ZNF648: variants seen among roughly 807,000 people sequenced by gnomAD.
The protein encoded by ZNF648 is zinc finger protein 648.
A neutral mutation model predicts 0.3 loss-of-function variants in ZNF648; 1 was observed. The observed-to-expected ratio is 3.90, with a 90% confidence interval of 1.39 to 18.51. ZNF648 has a LOEUF of 18.51. Ranked by LOEUF, ZNF648 falls within the 30% of genes most tolerant of loss-of-function variation. The pLI, the probability that ZNF648 is intolerant of heterozygous loss-of-function variation, is 0.11. For missense variants in ZNF648, 874 were observed against 769.7 expected, an observed-to-expected ratio of 1.14 and a Z score of -1.60; for synonymous variants, 376 against 326.8, an observed-to-expected ratio of 1.15 and a Z score of -1.62.
chr1:182,057,052 G>A lies in ZNF648; in HGVS notation c.959C>T (p.Ser320Phe), dbSNP rs762005770. Residue 320 changes from serine (S) to phenylalanine (F), a missense_variant, in exon 2 of 2, where the codon TCC becomes TTC. Coordinates refer to ENST00000339948, the MANE Select transcript of ZNF648 (RefSeq NM_001009992.1). ...GGTGCGGATGTGCTTCCGGTGGTCG[G>A]AGGACCAGGTGTAGGCCTTGTCGCA... ...SFCDKAYTWSSDHRKHIRTHT... is the reference protein window; with the variant it reads ...SFCDKAYTWSFDHRKHIRTHT... 7.4e-6 allele frequency: 12 copies of A among 1,613,284 alleles called. No individual in the cohort carries two copies. The East Asian group carries it at 2.2e-4, about 30-fold the overall frequency.
In ZNF648 at chr1:182,054,636, A is replaced by G. The variant is rs1249473558; in HGVS notation, c.*1668T>C. 1.3e-5 allele frequency: 2 copies of G among 152,248 alleles called. No homozygotes were observed. The highest frequency in any genetic ancestry group is 2.9e-5 in the Non-Finnish European group (2 of 68,034). 9.4% of individuals were successfully genotyped at this position (152,248 alleles called of 1,614,324 possible). A position where few individuals can be genotyped will look rare whatever the true frequency, so the allele number is the denominator to read the frequency against. On this transcript the variant is annotated 3_prime_UTR_variant, in exon 2 of 2. Coordinates refer to ENST00000339948, the MANE Select transcript of ZNF648 (RefSeq NM_001009992.1). ...GTTAGCTTTTGCTCTCTTCATAGTC[A>G]CAAGCTCATCTTGTGACTTTTCTAC...
At position 182,057,348 on chromosome 1, in the gene ZNF648, G is replaced by A; in HGVS notation, c.663C>T (p.Ala221=). The change falls in exon 2 of 2, where the codon GCC becomes GCT. Residue 221 remains alanine, a synonymous_variant. Transcript: ENST00000339948. ...QASATPASLA[A]AVLAKARNSR... is the part of the protein sequence containing the mutation. ...TGTTCCGCGCTTTTGCCAGGACCGC[G>A]GCAGCCAGGCTGGCTGGGGTGGCCG... is the stretch of plus-strand genomic sequence containing the variant. 6.2e-7 allele frequency: 1 copy of A among 1,610,796 alleles called. No homozygotes were observed. The highest frequency in any genetic ancestry group is 8.5e-7 in the Non-Finnish European group (1 of 1,179,780).
Position 182,057,118 on chromosome 1 carries a change from C to CTG in ZNF648, c.891_892dup (p.Arg298ThrfsTer75). 6.2e-7 allele frequency: 1 copy of CTG among 1,608,130 alleles called. No homozygotes were observed. The highest frequency in any genetic ancestry group is 8.5e-7 in the Non-Finnish European group (1 of 1,179,790). Reference sequence around the variant, plus strand: ...GGGCCGCTCGCCCGTGTGCAGGCGCCTGTGCTGCTGGAGTGTGCCGCGGTG... The same window carrying CTG: ...GGGCCGCTCGCCCGTGTGCAGGCGCCTGTGTGCTGCTGGAGTGTGCCGCGGTG... On this transcript the variant is annotated frameshift_variant, in exon 2 of 2. Coordinates refer to ENST00000339948, the MANE Select transcript of ZNF648 (RefSeq NM_001009992.1). LOFTEE classifies it low-confidence loss of function (END_TRUNC).
intron 1 of ZNF648, among the ~76,000 whole-genome samples, chr1:182,058,996 T>A (rs974676693): frequency 6.6e-6 from 1 of 152,158 alleles, no homozygotes; most frequent in Non-Finnish European, 1.5e-5. Context: ...CTAATTTTTG[T>A]ATTTTTAGTA....
At chr1:182,060,709 A>C (rs912013172) in intron 1 of ZNF648, among the ~76,000 whole-genome samples, 2 of 152,172 alleles carry the variant, frequency 1.3e-5, no homozygotes, top group African/African-American at 4.8e-5. Flanking sequence ...CATAGAGGGG[A>C]CATACCACTA....
At chr1:182,069,208 T>C in the ZNF648 span, 1 of 152,146 alleles carries the variant, frequency 6.6e-6, no homozygotes, top group Non-Finnish European at 1.5e-5. Flanking sequence ...GGCTCCGCTG[T>C]CCTCCCAGGT....
chr1:182,068,891 G>A, the ZNF648 span, among the ~76,000 whole-genome samples: 5 of 123,174 alleles, frequency 4.1e-5, no homozygotes, highest in Admixed American at 4.4e-4. Context: ...ACTCCAGGCT[G>A]GGCAACAGAG....
In ZNF648 at chr1:182,057,164, G is replaced by T; in HGVS notation, c.847C>A (p.Leu283Ile). The T allele has an allele frequency of 6.3e-7, 1 of 1,596,086 alleles. No homozygotes were observed. The highest frequency in any genetic ancestry group is 8.5e-7 in the Non-Finnish European group (1 of 1,176,190). ...GGAAKRYACE[L>I]CGKAYSHRGT... ...CGGTGGGAGTAGGCCTTCCCGCATA[G>T]CTCGCACGCGTAGCGCTTGGCGGCG... The change falls in exon 2 of 2, where the codon CTA becomes ATA. Residue 283 changes from leucine to isoleucine, a missense_variant. Coordinates refer to ENST00000339948, the MANE Select transcript of ZNF648 (RefSeq NM_001009992.1).
rs1665948903 is a variant in ZNF648, at chr1:182,057,396, C to G, written c.615G>C (p.Glu205Asp). Residue 205 changes from glutamate (E) to aspartate (D), a missense_variant, in exon 2 of 2, where the codon GAG becomes GAC. Transcript: ENST00000339948. ...PGSNWDLPTQETHTPAQASAT... is the reference protein window; with the variant it reads ...PGSNWDLPTQDTHTPAQASAT... ...CCGACGCCTGGGCTGGTGTATGTGT[C>G]TCTTGCGTGGGAAGGTCCCAGTTGC... is the stretch of plus-strand genomic sequence containing the variant. The G allele has an allele frequency of 6.2e-7, 1 of 1,613,826 alleles. No homozygotes were observed. Among genetic ancestry groups the G allele is most frequent in the South Asian group, 1.1e-5 (1 of 91,086 alleles).
At position 182,056,852 on chromosome 1, in the gene ZNF648, G is replaced by C; in HGVS notation, c.1159C>G (p.Leu387Val). ...LSLLRHQRTH[L>V]GAKPFRCPAC... Reference sequence around the variant, plus strand: ...GGGCAGCGGAAGGGCTTGGCGCCCAGGTGCGTGCGCTGGTGGCGCAGCAGC... The same window carrying C: ...GGGCAGCGGAAGGGCTTGGCGCCCACGTGCGTGCGCTGGTGGCGCAGCAGC... Residue 387 changes from leucine (L) to valine (V), a missense_variant, in exon 2 of 2, where the codon CTG becomes GTG. Transcript: ENST00000339948. 1 of 1,560,368 alleles carries C rather than the reference G, an allele frequency of 6.4e-7. No individual in the cohort carries two copies. Among genetic ancestry groups the C allele is most frequent in the Non-Finnish European group, 8.7e-7 (1 of 1,152,702 alleles).
intron 1 of ZNF648, among the ~76,000 whole-genome samples, chr1:182,060,975 G>T (rs1202993951): frequency 1.3e-5 from 2 of 152,080 alleles, no homozygotes; most frequent in Non-Finnish European, 2.9e-5. Flanking sequence ...GGCCACAGGG[G>T]AGCCTCCTTA....
In ZNF648 at chr1:182,057,393, T is replaced by C. The variant is rs990831979; in HGVS notation, c.618A>G (p.Thr206=). 6.2e-7 allele frequency: 1 copy of C among 1,613,756 alleles called. No individual in the cohort carries two copies. The highest frequency in any genetic ancestry group is 8.5e-7 in the Non-Finnish European group (1 of 1,179,998). Residue 206 remains threonine, a synonymous_variant, in exon 2 of 2, where the codon ACA becomes ACG. Coordinates refer to ENST00000339948, the MANE Select transcript of ZNF648 (RefSeq NM_001009992.1). ...TGGCCGACGCCTGGGCTGGTGTATG[T>C]GTCTCTTGCGTGGGAAGGTCCCAGT... ...GSNWDLPTQE[T]HTPAQASATP...
At chr1:182,058,153 A>G (rs1471478943) in intron 1 of ZNF648, 80 bp from the exon 2 acceptor site, 1 of 992,872 alleles carries the variant, frequency 1.0e-6, no homozygotes, top group Non-Finnish European at 1.5e-6. Flanking sequence ...TGAGGTTCCC[A>G]CTATAGCTCT....
At position 182,056,540 on chromosome 1, in the gene ZNF648, G is replaced by A; in HGVS notation, c.1471C>T (p.Leu491=). Reference sequence around the variant, plus strand: ...GAGTGGATCTGTTGGTGCCGCTTCAGGGTCGAAGAGCGGGCAAAGGCCTGG... The same window carrying A: ...GAGTGGATCTGTTGGTGCCGCTTCAAGGTCGAAGAGCGGGCAAAGGCCTGG... The part of the protein sequence containing the change: ...CGQAFARSST[L]KRHQQIHSGE... The change falls in exon 2 of 2, where the codon CTG becomes TTG. Residue 491 remains leucine, a synonymous_variant. Transcript: ENST00000339948. The A allele has an allele frequency of 6.2e-7, 1 of 1,614,148 alleles. No individual in the cohort carries two copies. The highest frequency in any genetic ancestry group is 1.1e-5 in the South Asian group (1 of 91,050).
chr1:182,057,882 G>C lies in ZNF648; in HGVS notation c.129C>G (p.Ala43=), dbSNP rs775324938. The C allele has an allele frequency of 1.5e-5, 25 of 1,614,028 alleles. No individual in the cohort carries two copies. The Admixed American group carries it at 3.8e-4, about 25-fold the overall frequency. The change falls in exon 2 of 2, where the codon GCC becomes GCG. Residue 43 remains alanine, a synonymous_variant. Transcript: ENST00000339948. The stretch of plus-strand genomic sequence containing the variant: ...CCGGGTCAGCGGTGCCCTCTTTTTC[G>C]GCCTCCCCACCATCTTCATCGTCAC... ...LESDDEDGGE[A]EKEGTADPVA...
chr1:182,056,810 A>C lies in ZNF648; in HGVS notation c.1201T>G (p.Phe401Val). ...TCCACCATGCGGCTGGCCACAGCGA[A>C]CTCCCGGTCGCAGGCGGGGCAGCGG... ...PFRCPACDRE[F>V]AVASRMVEHQ... Residue 401 changes from phenylalanine (F) to valine (V), a missense_variant, in exon 2 of 2, where the codon TTC becomes GTC. By Grantham distance (50) the Phe-to-Val change is conservative. Coordinates refer to ENST00000339948, the MANE Select transcript of ZNF648 (RefSeq NM_001009992.1). 6.4e-7 allele frequency: 1 copy of C among 1,554,180 alleles called. No homozygotes were observed. The highest frequency in any genetic ancestry group is 1.4e-5 in the African/African-American group (1 of 73,124).
At position 182,058,069 on chromosome 1, in the gene ZNF648, G is replaced by T. The variant is rs1665971611; in HGVS notation, c.-59C>A. 6.6e-7 allele frequency: 1 copy of T among 1,522,200 alleles called. No homozygotes were observed. Among genetic ancestry groups the T allele is most frequent in the African/African-American group, 1.4e-5 (1 of 71,604 alleles). 94.3% of individuals were successfully genotyped at this position (1,522,200 alleles called of 1,614,324 possible). A position where few individuals can be genotyped will look rare whatever the true frequency, so the allele number is the denominator to read the frequency against. The stretch of plus-strand genomic sequence containing the variant: ...AGGAGGAGTATCCTGCTTGGCTCAG[G>T]ATACCTGCAAAAAGAAAAGTACGAA... On this transcript the variant is annotated 5_prime_UTR_variant, in exon 2 of 2. Transcript: ENST00000339948.
chr1:182,061,073 C>T (rs1358569578), intron 1 of ZNF648, among the ~76,000 whole-genome samples: 1 of 152,194 alleles, frequency 6.6e-6, no homozygotes, highest in African/African-American at 2.4e-5. Context: ...ATCCCTCCTC[C>T]ATCTGAAGCC....
At chr1:182,068,204 G>A in the ZNF648 span, 3 of 152,208 alleles carry the variant, frequency 2.0e-5, no homozygotes, top group Non-Finnish European at 2.9e-5. Context: ...CAAAGGCATC[G>A]ACCTCAGTAT....
Sources: allele counts gnomAD v4.1 joint callset (sites outside exome capture counted in the v4.1 genomes callset), GRCh38; gene constraint gnomAD v4.1.1; transcripts MANE v1.5; gene names NCBI Gene and HGNC (gene_info 2026-07-23, HGNC 2026-07-21).